Variants in PTGR1 observed in about 807,000 individuals in gnomAD.
PTGR1 encodes the protein 15-oxoprostaglandin 13-reductase.
Under a neutral mutation model 37.7 loss-of-function variants are expected in PTGR1, and 23 were observed. The observed-to-expected ratio is 0.61, with a 90% CI of 0.44 to 0.86. The LOEUF (loss-of-function observed/expected upper bound fraction) is 0.86. Ranked by LOEUF, PTGR1 falls within the 40% of genes least tolerant of loss-of-function variation. PTGR1 has a pLI of 0.00. For synonymous variants in PTGR1, 134 were observed against 140.0 expected, an observed-to-expected ratio of 0.96 and a Z score of 0.30; for missense variants, 351 against 394.3, an observed-to-expected ratio of 0.89 and a Z score of 0.93.
intron 1 of PTGR1, among the ~76,000 whole-genome samples, 185 bp from the exon 2 acceptor site, chr9:111,597,617 A>G (rs562739100): frequency 6.6e-6 from 1 of 152,236 alleles, no homozygotes; most frequent in Non-Finnish European, 1.5e-5. Flanking sequence ...CACTTCATAT[A>G]GATTACCTCA....
chr9:111,569,735 A>G (rs1410552107), intron 9 of PTGR1, among the ~76,000 whole-genome samples: 1 of 152,232 alleles, frequency 6.6e-6, no homozygotes, highest in Non-Finnish European at 1.5e-5. Context: ...ACTGCACTCC[A>G]GCCTGAGCAA....
chr9:111,567,934 G>A lies in PTGR1; in HGVS notation c.879+2157C>T, dbSNP rs141170779. On this transcript the variant is annotated intron_variant, in intron 9 of 9. Coordinates refer to ENST00000407693, the MANE Select transcript of PTGR1 (RefSeq NM_001146108.2). ...AATTAATACTTTTATAATTTCTTAC[G>A]CCTGTCTTACTTTAATCTCTTAATC... is the stretch of plus-strand genomic sequence containing the variant. 1.5e-3 allele frequency among the ~76,000 whole-genome samples: 234 copies of A among 152,200 alleles called. 2 individuals carry two copies. The East Asian group carries it at 0.024, about 15-fold the overall frequency.
downstream of PTGR1, among the ~76,000 whole-genome samples, chr9:111,560,631 C>T (rs1351671716): frequency 3.6e-5 from 3 of 82,246 alleles, no homozygotes; most frequent in East Asian, 1.1e-3. Context: ...ACAGAGACAC[C>T]ATCTCAAAAA....
At chr9:111,598,136 G>A (rs1829839004) in intron 1 of PTGR1, among the ~76,000 whole-genome samples, 2 of 152,058 alleles carry the variant, frequency 1.3e-5, no homozygotes, top group Admixed American at 6.5e-5. Context: ...GCCATCGGGT[G>A]CGAATTTTCT....
Position 111,595,536 on chromosome 9 carries a change from T to G in PTGR1, c.107-1269A>C, listed in dbSNP as rs184808376. Among the ~76,000 whole-genome samples, 4 of 152,356 alleles carry G rather than the reference T, an allele frequency of 2.6e-5. No homozygotes were observed. In the East Asian group the frequency reaches 7.7e-4, roughly 29 times the overall value. On this transcript the variant is annotated intron_variant, in intron 2 of 9. Coordinates refer to ENST00000407693, the MANE Select transcript of PTGR1 (RefSeq NM_001146108.2). ...TTTTGAATTTGAGTCATGGCCATCA[T>G]AGCTTAGATGGGACTGATCACTTTG...
chr9:111,569,607 T>C (rs771261588), intron 9 of PTGR1, among the ~76,000 whole-genome samples: 3 of 152,096 alleles, frequency 2.0e-5, no homozygotes, highest in Admixed American at 6.5e-5. Flanking sequence ...CTACTAAAAA[T>C]ACAAAAAGTT....
At chr9:111,566,302 T>G (rs1171811731) in intron 9 of PTGR1, among the ~76,000 whole-genome samples, 1 of 152,350 alleles carries the variant, frequency 6.6e-6, no homozygotes, top group African/African-American at 2.4e-5. Flanking sequence ...AGTGGTTTCC[T>G]GTTGTCAACT....
chr9:111,559,803 G>T (rs1370405589), downstream of PTGR1, among the ~76,000 whole-genome samples: 2 of 152,146 alleles, frequency 1.3e-5, no homozygotes, highest in East Asian at 1.9e-4. Context: ...CTTTAGGATT[G>T]AATAGTTTGG....
rs954272564 is a variant in PTGR1 at position 111,551,415 on chromosome 9, T to G, written c.880-1616A>C. Among the ~76,000 whole-genome samples the G allele has an allele frequency of 1.2e-3, 167 of 141,582 alleles. 1 individual carries two copies. In the East Asian group the frequency reaches 0.028, roughly 23 times the overall value. 92.9% of individuals were successfully genotyped at this position (141,582 alleles called of 152,430 possible). A position where few individuals can be genotyped will look rare whatever the true frequency, so the allele number is the denominator to read the frequency against. On this transcript the variant is annotated intron_variant, in intron 9 of 9. Transcript: ENST00000538962. ...TCCAGTTTTTGTTTTTTTTTTTTTT[T>G]TTTTTTTTTTGAGATGGAGTCTCAC...
Position 111,574,723 on chromosome 9 carries a change from G to C in PTGR1, c.760+11C>G. 1 of 1,594,318 alleles carries C rather than the reference G, an allele frequency of 6.3e-7. No homozygotes were observed. Among genetic ancestry groups the C allele is most frequent in the Non-Finnish European group, 8.6e-7 (1 of 1,163,764 alleles). ...TTGTGACATATGGGATCGTGTGCAT[G>C]TGCTCATTACCTGGGGGAAGTGGGC... On this transcript the variant is annotated intron_variant, in intron 8 of 9. Coordinates refer to ENST00000407693, the MANE Select transcript of PTGR1 (RefSeq NM_001146108.2).
At chr9:111,589,621 A>G (rs2132427660) in intron 4 of PTGR1, among the ~76,000 whole-genome samples, 1 of 151,366 alleles carries the variant, frequency 6.6e-6, no homozygotes, top group East Asian at 1.9e-4. Context: ...ATTAAAGTAT[A>G]AAATACAGAA....
chr9:111,589,733 C>G (rs1044303936), intron 4 of PTGR1, among the ~76,000 whole-genome samples: 1 of 151,938 alleles, frequency 6.6e-6, no homozygotes, highest in Non-Finnish European at 1.5e-5. Context: ...CTCCTTGGTT[C>G]AAATGATTCT....
intron 6 of PTGR1, among the ~76,000 whole-genome samples, chr9:111,579,604 C>A (rs1829209532): frequency 6.6e-6 from 1 of 152,052 alleles, no homozygotes; most frequent in Non-Finnish European, 1.5e-5. Context: ...CACTATATTG[C>A]CCAGGCTGAT....
At position 111,578,959 on chromosome 9, in the gene PTGR1, GAA is replaced by G. The variant is rs375892629; in HGVS notation, c.496-10_496-9del. On this transcript the variant is annotated splice_polypyrimidine_tract_variant and intron_variant, in intron 6 of 9. Transcript: ENST00000407693. ...TCCAACAACTTTGCAGCCCTAAGTA[GAA>G]AAAAAAAAAAAAAGGAAACCATGAA... 7,678 of 1,200,168 alleles carry G rather than the reference GAA, an allele frequency of 6.4e-3. No individual in the cohort carries two copies. Among genetic ancestry groups the G allele is most frequent in the South Asian group, 0.015 (863 of 57,056 alleles). 74.3% of individuals were successfully genotyped at this position (1,200,168 alleles called of 1,614,324 possible). A position where few individuals can be genotyped will look rare whatever the true frequency, so the allele number is the denominator to read the frequency against.
downstream of PTGR1, chr9:111,562,531 C>T (rs1406963573): frequency 1.3e-5 from 2 of 152,174 alleles, no homozygotes; most frequent in African/African-American, 2.4e-5. Flanking sequence ...ACCTCAGCCT[C>T]CCAAAGTGCT....
In PTGR1 at chr9:111,566,230, AAC is replaced by A. The variant is rs530129916; in HGVS notation, c.880-3001_880-3000del. ...AAATAAATAAATAAATAAATAAATAAACACCTAACTAACTATGATCAGCTTCA... is the reference window on the plus strand; with the variant it reads ...AAATAAATAAATAAATAAATAAATAAACCTAACTAACTATGATCAGCTTCA... On this transcript the variant is annotated intron_variant, in intron 9 of 9. Transcript: ENST00000407693. Among the ~76,000 whole-genome samples the A allele has an allele frequency of 3.5e-4, 53 of 152,256 alleles. No homozygotes were observed. In the East Asian group the frequency reaches 6.9e-3, roughly 20 times the overall value.
chr9:111,574,667 G>T, intron 8 of PTGR1, 67 bp downstream of exon 8: 1 of 1,046,922 alleles, frequency 9.6e-7, no homozygotes, highest in Non-Finnish European at 1.4e-6. Flanking sequence ...CTGGCCTATG[G>T]CATATCTGTG....
At chr9:111,597,733 AAAC>A (rs1253153729) in intron 1 of PTGR1, among the ~76,000 whole-genome samples, 2 of 152,218 alleles carry the variant, frequency 1.3e-5, no homozygotes, top group Non-Finnish European at 2.9e-5. Context: ...AAAAAATATA[AAAC>A]AACAAAGAAA....
downstream of PTGR1, among the ~76,000 whole-genome samples, chr9:111,561,148 G>GGAGAGAGA (rs527553902): frequency 1.6e-3 from 57 of 34,838 alleles, no homozygotes; most frequent in South Asian, 2.3e-3. Context: ...GGAGAGAGAG[G>GGAGAGAGA]GAGAGAGAGA....
Sources: allele counts gnomAD v4.1 joint callset (sites outside exome capture counted in the v4.1 genomes callset), GRCh38; gene constraint gnomAD v4.1.1; transcripts MANE v1.5; gene names NCBI Gene and HGNC (gene_info 2026-07-23, HGNC 2026-07-21).